The following ESRRB variants were observed in gnomAD, a reference collection of about 807,000 sequenced individuals.
ESRRB encodes the protein estrogen related receptor beta.
Under a neutral mutation model 46.0 loss-of-function variants are expected in ESRRB, and 16 were observed. The ratio of observed to expected loss-of-function variants is 0.35; its 90% CI spans 0.24 to 0.53. The LOEUF (loss-of-function observed/expected upper bound fraction) is 0.53. Among genes scored for constraint, ESRRB ranks in the 20% least tolerant of loss-of-function variants. The pLI is 0.93. For synonymous variants in ESRRB, 246 were observed against 259.6 expected (o/e 0.95, Z 0.50); for missense variants, 488 against 607.4 (o/e 0.80, Z 2.07).
intron 1 of ESRRB, among the ~76,000 whole-genome samples, chr14:76,432,836 AGCT>A (rs1887514677): frequency 6.6e-6 from 1 of 151,688 alleles, no homozygotes; most frequent in Non-Finnish European, 1.5e-5. Flanking sequence ...CACCATACCC[AGCT>A]AATTTTTGTA....
At chr14:76,438,705 T>G (rs998937133) in intron 1 of ESRRB, among the ~76,000 whole-genome samples, 1 of 152,148 alleles carries the variant, frequency 6.6e-6, no homozygotes, top group African/African-American at 2.4e-5. Flanking sequence ...ATTATTGTTA[T>G]GCAGGAAGGT....
chr14:76,325,648 C>G (rs1017230255), intron 1 of ESRRB, among the ~76,000 whole-genome samples: 9 of 152,130 alleles, frequency 5.9e-5, no homozygotes, highest in Admixed American at 2.6e-4. Flanking sequence ...CTCAGCCTAC[C>G]TGAGGAGGCT....
intron 2 of ESRRB, 82 bp from the exon 3 acceptor site, chr14:76,462,463 T>A: frequency 2.9e-6 from 3 of 1,031,866 alleles, no homozygotes. Context: ...CAAATTAAAA[T>A]CCCCATCCAG....
rs559120820 is a variant in ESRRB at position 76,454,725 on chromosome 14, G to A, written c.461-7820G>A. On this transcript the variant is annotated intron_variant, in intron 2 of 6. Coordinates refer to ENST00000644823, the MANE Select transcript of ESRRB (RefSeq NM_001379180.1). ...GAAATGGTCAGATCATAAAAGGCCT[G>A]GTAGGCTTTGCCCTGGAGTTTAGAT... 2.6e-5 allele frequency among the ~76,000 whole-genome samples: 4 copies of A among 152,280 alleles called. No homozygotes were observed. In the South Asian group the frequency reaches 6.2e-4, roughly 24 times the overall value.
At chr14:76,444,972 A>G (rs1392899101) in intron 2 of ESRRB, among the ~76,000 whole-genome samples, 1 of 151,490 alleles carries the variant, frequency 6.6e-6, no homozygotes, top group Non-Finnish European at 1.5e-5. Flanking sequence ...AGCCCAGCCC[A>G]GCTTGTGTAA....
intron 2 of ESRRB, among the ~76,000 whole-genome samples, chr14:76,447,553 T>G (rs1480212831): frequency 1.3e-5 from 2 of 152,100 alleles, no homozygotes; most frequent in South Asian, 2.1e-4. Flanking sequence ...CATTTCCACT[T>G]GGATGCCCCA....
At chr14:76,424,847 C>T (rs1210774505) in intron 1 of ESRRB, among the ~76,000 whole-genome samples, 3 of 152,196 alleles carry the variant, frequency 2.0e-5, no homozygotes, top group Non-Finnish European at 1.5e-5. Context: ...AGTGATTCTC[C>T]TGCCTCTGCC....
intron 1 of ESRRB, among the ~76,000 whole-genome samples, chr14:76,405,705 G>A (rs1355219935): frequency 6.6e-6 from 1 of 151,930 alleles, no homozygotes; most frequent in African/African-American, 2.4e-5. Flanking sequence ...GCCTCTCTGA[G>A]GTCGCGCCAC....
intron 1 of ESRRB, among the ~76,000 whole-genome samples, chr14:76,362,343 C>T (rs1395733263): frequency 6.6e-6 from 1 of 152,196 alleles, no homozygotes; most frequent in African/African-American, 2.4e-5. Flanking sequence ...ACTCCAAAGC[C>T]AGTGCTCTTA....
At chr14:76,365,836 C>T (rs1884515673) in intron 1 of ESRRB, among the ~76,000 whole-genome samples, 1 of 152,162 alleles carries the variant, frequency 6.6e-6, no homozygotes, top group Non-Finnish European at 1.5e-5. Flanking sequence ...CTAGCTGGAG[C>T]AAGATGATAA....
chr14:76,367,361 C>A (rs140629631), upstream of ESRRB, among the ~76,000 whole-genome samples: 27 of 152,054 alleles, frequency 1.8e-4, no homozygotes, highest in African/African-American at 6.0e-4. Context: ...TCAAGACTAC[C>A]CTGGGCAACA....
intron 1 of ESRRB, among the ~76,000 whole-genome samples, chr14:76,391,440 C>A (rs949292534): frequency 4.6e-5 from 7 of 152,264 alleles, no homozygotes; most frequent in African/African-American, 1.7e-4. Flanking sequence ...AGCCCACAGA[C>A]CGCTGGCAAT....
Position 76,439,519 on chromosome 14 carries a change from C to T in ESRRB, c.229C>T (p.Leu77=), listed in dbSNP as rs764336526. The T allele has an allele frequency of 1.2e-6, 2 of 1,613,282 alleles. No homozygotes were observed. Among genetic ancestry groups the T allele is most frequent in the African/African-American group, 2.7e-5 (2 of 74,950 alleles). ...GGCCCTGGGCACCCACGCCAACGGT[C>T]TGGACTCGCCACCCATGTTTGCAGG... ...GLALGTHANG[L]DSPPMFAGAG... Residue 77 remains leucine (L), a synonymous_variant, in exon 2 of 7, where the codon CTG becomes TTG. Coordinates refer to ENST00000644823, the MANE Select transcript of ESRRB (RefSeq NM_001379180.1).
At chr14:76,439,189 C>T (rs141181671) in intron 1 of ESRRB, among the ~76,000 whole-genome samples, 152 bp from the exon 2 acceptor site, 327 of 152,304 alleles carry the variant, frequency 2.1e-3, no homozygotes, top group African/African-American at 7.6e-3. Flanking sequence ...CCGGCTGCGC[C>T]GAGGGGAGAC....
chr14:76,491,880 G>C (rs931480321), intron 6 of ESRRB, among the ~76,000 whole-genome samples, 164 bp downstream of exon 6: 1 of 152,242 alleles, frequency 6.6e-6, no homozygotes, highest in African/African-American at 2.4e-5. Flanking sequence ...GTGGCCTGCA[G>C]ATAAAAAGCT....
intron 1 of ESRRB, among the ~76,000 whole-genome samples, chr14:76,411,460 C>T (rs12881529): frequency 0.45 from 67,514 of 151,632 alleles, 17,105 homozygotes; most frequent in Middle Eastern, 0.54. Context: ...AAAAAAAAAA[C>T]AGGAGGTGAA....
intron 1 of ESRRB, among the ~76,000 whole-genome samples, chr14:76,322,919 C>G (rs80047446): frequency 0.023 from 3,470 of 152,292 alleles, 126 homozygotes; most frequent in African/African-American, 0.079. Flanking sequence ...AGCATGCGCT[C>G]ACTGTTTGGG....
At chr14:76,436,183 G>C (rs554854293) in intron 1 of ESRRB, among the ~76,000 whole-genome samples, 3 of 152,234 alleles carry the variant, frequency 2.0e-5, no homozygotes. Flanking sequence ...GCAAACCGCC[G>C]CCTGCTCTGG....
At chr14:76,359,608 G>A (rs1406152592) in intron 1 of ESRRB, among the ~76,000 whole-genome samples, 1 of 152,168 alleles carries the variant, frequency 6.6e-6, no homozygotes, top group Non-Finnish European at 1.5e-5. Context: ...CAGAGCCAGT[G>A]CTCTTGCCCA....
Sources: gnomAD v4.1 joint callset for allele counts (sites outside exome capture counted in the v4.1 genomes callset) on GRCh38, gnomAD v4.1.1 for gene constraint, MANE v1.5 for transcripts, NCBI Gene and HGNC (gene_info 2026-07-23, HGNC 2026-07-21) for gene names.